SLIT2: variants seen among roughly 807,000 people sequenced by gnomAD.
SLIT2 encodes the protein slit guidance ligand 2.
In SLIT2, 41 loss-of-function variants were observed where a neutral mutation model predicts 185.7. The observed-to-expected ratio is 0.22, with a 90% confidence interval of 0.17 to 0.29. SLIT2 has a LOEUF of 0.29. Among genes scored for constraint, SLIT2 ranks in the 10% least tolerant of loss-of-function variants. The probability of loss-of-function intolerance (pLI) is 1.00; values close to 1 mark genes in which losing one functional copy is unlikely to be tolerated. For synonymous variants in SLIT2, 693 were observed against 680.2 expected, an observed-to-expected ratio of 1.02 and a Z score of -0.29; for missense variants, 1,571 against 1,909.0, an observed-to-expected ratio of 0.82 and a Z score of 3.30.
chr4:20,472,295 G>GATATATATATATATATCT (rs1205039657), intron 5 of SLIT2, among the ~76,000 whole-genome samples: 1 of 25,882 alleles, frequency 3.9e-5, no homozygotes, highest in Non-Finnish European at 5.7e-5. Context: ...TAGATATATA[G>GATATATATATATATATCT]ATATATAGAT....
At position 20,254,221 on chromosome 4, in the gene SLIT2, T is replaced by C. The variant is rs999681624; in HGVS notation, c.179+227T>C. On this transcript the variant is annotated intron_variant, in intron 1 of 36. Transcript: ENST00000504154. The surrounding 1 kb of genome is among the most constrained non-coding windows in gnomAD (Gnocchi z 5.1). Reference sequence around the variant, plus strand: ...GCTGCGCTAGTTCTCCCTCCCCTGCTCTCGTCCCGCCACTCGCAGCTCCTT... The same window carrying C: ...GCTGCGCTAGTTCTCCCTCCCCTGCCCTCGTCCCGCCACTCGCAGCTCCTT... 1.6e-4 allele frequency among the ~76,000 whole-genome samples: 24 copies of C among 152,168 alleles called. No homozygotes were observed. Among genetic ancestry groups the C allele is most frequent in the Non-Finnish European group, 2.9e-4 (20 of 67,968 alleles).
intron 11 of SLIT2, among the ~76,000 whole-genome samples, chr4:20,516,314 C>A (rs1720210840): frequency 6.6e-6 from 1 of 152,108 alleles, no homozygotes; most frequent in Non-Finnish European, 1.5e-5. Context: ...ACAAAAAAAT[C>A]TCTATCAGAG....
chr4:20,463,491 A>ATGTGTGTGTG (rs1337282350), intron 4 of SLIT2, among the ~76,000 whole-genome samples: 6 of 96,230 alleles, frequency 6.2e-5, no homozygotes, highest in African/African-American at 2.7e-4. Flanking sequence ...ATATATATAT[A>ATGTGTGTGTG]TGTGTGTGTG....
intron 7 of SLIT2, among the ~76,000 whole-genome samples, chr4:20,488,111 C>T (rs749209294): frequency 2.6e-5 from 4 of 152,062 alleles, no homozygotes; most frequent in Non-Finnish European, 4.4e-5. Context: ...TGCTATTTGC[C>T]ACTTGGAAGC....
At chr4:20,388,484 G>A (rs571751635) in intron 4 of SLIT2, among the ~76,000 whole-genome samples, 22 of 151,888 alleles carry the variant, frequency 1.4e-4, no homozygotes, top group Non-Finnish European at 2.9e-4. Flanking sequence ...AAAATATTAC[G>A]GAGATACGGC....
intron 4 of SLIT2, among the ~76,000 whole-genome samples, chr4:20,333,474 A>G (rs1310078208): frequency 2.6e-5 from 4 of 152,110 alleles, no homozygotes; most frequent in Non-Finnish European, 4.4e-5. Context: ...CTCTCCCTCC[A>G]CTGAAAACAG....
intron 33 of SLIT2, among the ~76,000 whole-genome samples, chr4:20,608,767 A>T (rs972252859): frequency 1.3e-5 from 2 of 152,168 alleles, no homozygotes; most frequent in African/African-American, 4.8e-5. Context: ...TTTTTCTATC[A>T]TTCCCTAGAC....
At chr4:20,568,701 T>C (rs1725307215) in intron 28 of SLIT2, among the ~76,000 whole-genome samples, 164 bp from the exon 29 acceptor site, 1 of 152,082 alleles carries the variant, frequency 6.6e-6, no homozygotes, top group African/African-American at 2.4e-5. Context: ...TACCTTAAAT[T>C]GATGTTTACA....
intron 33 of SLIT2, among the ~76,000 whole-genome samples, chr4:20,608,113 A>G (rs556969019): frequency 1.3e-5 from 2 of 152,274 alleles, no homozygotes; most frequent in South Asian, 4.1e-4. Context: ...GGGGACCGAT[A>G]TGATAGTGAT....
In SLIT2 at chr4:20,280,833, G is replaced by GTTTTTGTTT. The variant is rs1553871313; in HGVS notation, c.395+11957_395+11958insGTTTTTTTT. ...GTTTGAAGGCTTATATTAAAAAAATGTTTTTTTTTTTTTTTTGAGACGGAG... is the reference window on the plus strand; with the variant it reads ...GTTTGAAGGCTTATATTAAAAAAATGTTTTTGTTTTTTTTTTTTTTTTTTTGAGACGGAG... On this transcript the variant is annotated intron_variant, in intron 4 of 36. Coordinates refer to ENST00000504154, the MANE Select transcript of SLIT2 (RefSeq NM_004787.4). 7.7e-5 allele frequency among the ~76,000 whole-genome samples: 10 copies of GTTTTTGTTT among 130,642 alleles called. No individual in the cohort carries two copies. In the South Asian group the frequency reaches 2.5e-3, roughly 33 times the overall value. The allele number at this position is 130,642 out of a possible 152,430, so 85.7% of individuals were successfully genotyped here. A position where few individuals can be genotyped will look rare whatever the true frequency, so the allele number is the denominator to read the frequency against.
At chr4:20,392,923 A>G (rs1725547978) in intron 4 of SLIT2, among the ~76,000 whole-genome samples, 1 of 152,058 alleles carries the variant, frequency 6.6e-6, no homozygotes, top group African/African-American at 2.4e-5. Context: ...TTTTTTTATT[A>G]GTAGGAGTAC....
intron 4 of SLIT2, among the ~76,000 whole-genome samples, chr4:20,287,345 C>T (rs1203815404): frequency 6.6e-6 from 1 of 152,180 alleles, no homozygotes; most frequent in Non-Finnish European, 1.5e-5. Context: ...AAGCAATGCG[C>T]CCCATTAGGA....
intron 4 of SLIT2, among the ~76,000 whole-genome samples, chr4:20,303,282 A>G (rs1002812417): frequency 6.6e-5 from 10 of 152,328 alleles, no homozygotes; most frequent in Non-Finnish European, 1.2e-4. Context: ...CTTTGCAGAT[A>G]CAAGGCTTTG....
Position 20,528,163 on chromosome 4 carries a change from G to A in SLIT2, c.1463-786G>A, listed in dbSNP as rs932936430. 1.2e-4 allele frequency: 59 copies of A among 477,858 alleles called. No homozygotes were observed. The highest frequency in any genetic ancestry group is 8.6e-4 in the South Asian group (56 of 64,772). 29.6% of individuals were successfully genotyped at this position (477,858 alleles called of 1,614,324 possible). A position where few individuals can be genotyped will look rare whatever the true frequency, so the allele number is the denominator to read the frequency against. ...CTTACTGTGGTCATAAACATTCTGC[G>A]GGAAGAATGCATGTCATGTAAACAG... is the stretch of plus-strand genomic sequence containing the variant. On this transcript the variant is annotated intron_variant, in intron 15 of 36. Transcript: ENST00000504154. The surrounding 1 kb of genome is among the most constrained non-coding windows in gnomAD (Gnocchi z 4.2).
At chr4:20,355,647 T>A (rs1477008407) in intron 4 of SLIT2, among the ~76,000 whole-genome samples, 1 of 152,188 alleles carries the variant, frequency 6.6e-6, no homozygotes, top group Admixed American at 6.6e-5. Context: ...AATACCAAAC[T>A]ATAGCCTACT....
chr4:20,478,359 G>A (rs1716338838), intron 5 of SLIT2, among the ~76,000 whole-genome samples: 1 of 152,038 alleles, frequency 6.6e-6, no homozygotes, highest in Non-Finnish European at 1.5e-5. Flanking sequence ...CACCAATAAG[G>A]GCTTAGATTT....
At chr4:20,293,416 A>G (rs1203615591) in intron 4 of SLIT2, among the ~76,000 whole-genome samples, 1 of 152,226 alleles carries the variant, frequency 6.6e-6, no homozygotes, top group East Asian at 1.9e-4. Flanking sequence ...TGCAATGAAT[A>G]GCTGTTGTAT....
At position 20,254,900 on chromosome 4, in the gene SLIT2, G is replaced by T. The variant is rs1202204654; in HGVS notation, c.179+906G>T. The T allele has an allele frequency of 2.2e-6, 1 of 456,034 alleles. No homozygotes were observed. Among genetic ancestry groups the T allele is most frequent in the East Asian group, 6.9e-5 (1 of 14,390 alleles). 28.2% of individuals were successfully genotyped at this position (456,034 alleles called of 1,614,324 possible). A position where few individuals can be genotyped will look rare whatever the true frequency, so the allele number is the denominator to read the frequency against. ...CCCTCTTCGCGCTCCGTTGCTCGCAGACGTCCCCGCCTCCCTGTCTTTGCG... is the reference window on the plus strand; with the variant it reads ...CCCTCTTCGCGCTCCGTTGCTCGCATACGTCCCCGCCTCCCTGTCTTTGCG... On this transcript the variant is annotated intron_variant, in intron 1 of 36. Transcript: ENST00000504154. This position sits in a 1 kb window ranked among gnomAD's most constrained non-coding sequence, Gnocchi z 5.1.
chr4:20,265,031 T>C (rs1410085125), intron 3 of SLIT2, among the ~76,000 whole-genome samples: 2 of 151,978 alleles, frequency 1.3e-5, no homozygotes, highest in Non-Finnish European at 2.9e-5. Flanking sequence ...TTGGCTCCCA[T>C]AAATAATCCT....
Sources: gnomAD v4.1 joint callset for allele counts (sites outside exome capture counted in the v4.1 genomes callset) on GRCh38, gnomAD v4.1.1 for gene constraint, Gnocchi (gnomAD v3.1) non-coding constraint, MANE v1.5 for transcripts, NCBI Gene and HGNC (gene_info 2026-07-23, HGNC 2026-07-21) for gene names.